The following FBXW7 variants were observed in gnomAD, a reference collection of about 807,000 sequenced individuals.
The protein encoded by FBXW7 is F-box and WD repeat domain containing 7, also known as F-box/WD repeat-containing protein 7.
A neutral mutation model predicts 86.3 loss-of-function variants in FBXW7; 11 were observed. That is an observed-to-expected ratio of 0.13 (90% CI 0.08 to 0.21). FBXW7 has a LOEUF of 0.21. Among genes scored for constraint, FBXW7 ranks in the 10% least tolerant of loss-of-function variants. The pLI, the probability that FBXW7 is intolerant of heterozygous loss-of-function variation, is 1.00. For missense variants in FBXW7, 488 were observed against 847.4 expected, an observed-to-expected ratio of 0.58 and a Z score of 5.27; for synonymous variants, 313 against 297.9, an observed-to-expected ratio of 1.05 and a Z score of -0.52.
chr4:152,374,599 A>G (rs959013092), intron 4 of FBXW7, among the ~76,000 whole-genome samples: 2 of 152,150 alleles, frequency 1.3e-5, no homozygotes, highest in African/African-American at 2.4e-5. Flanking sequence ...TTTCTCCTGC[A>G]TATCTCTGGA....
intron 4 of FBXW7, among the ~76,000 whole-genome samples, chr4:152,385,645 A>G (rs528417979): frequency 9.9e-4 from 151 of 152,208 alleles, no homozygotes; most frequent in Non-Finnish European, 1.3e-3. Context: ...GAAACAAAAC[A>G]TAAGTGAACA....
At position 152,444,106 on chromosome 4, in the gene FBXW7, A is replaced by G. The variant is rs1741149206; in HGVS notation, c.-119-31577T>C. ...AAAAATGGGTGCCATGTTAGGTTAC[A>G]CTACATGAAAATGCTGATATTCTAC... On this transcript the variant is annotated intron_variant, in intron 2 of 13. Transcript: ENST00000281708. 4.6e-5 allele frequency among the ~76,000 whole-genome samples: 7 copies of G among 152,190 alleles called. No homozygotes were observed. The South Asian group carries it at 1.4e-3, about 31-fold the overall frequency.
chr4:152,323,989 C>G, intron 13 of FBXW7, 195 bp downstream of exon 13: 1 of 557,972 alleles, frequency 1.8e-6, no homozygotes, highest in Non-Finnish European at 3.2e-6. Context: ...TTTTATATTA[C>G]ATATTAAAAA....
intron 2 of FBXW7, among the ~76,000 whole-genome samples, chr4:152,514,627 TG>T (rs1748293900): frequency 6.6e-6 from 1 of 152,138 alleles, no homozygotes; most frequent in Admixed American, 6.5e-5. Flanking sequence ...GTTTCCCCTC[TG>T]TAAGTTCTCA....
At chr4:152,442,794 T>A (rs755602232) in intron 2 of FBXW7, among the ~76,000 whole-genome samples, 1 of 152,210 alleles carries the variant, frequency 6.6e-6, no homozygotes, top group Non-Finnish European at 1.5e-5. Flanking sequence ...ACAAGGACAG[T>A]ATCAGGGATA....
intron 4 of FBXW7, among the ~76,000 whole-genome samples, chr4:152,392,359 T>A (rs983034794): frequency 1.3e-5 from 2 of 152,152 alleles, no homozygotes; most frequent in Non-Finnish European, 2.9e-5. Flanking sequence ...GAACACTCAC[T>A]TGGTAGTCCT....
At chr4:152,461,559 T>A (rs955823262) in intron 2 of FBXW7, among the ~76,000 whole-genome samples, 1 of 152,226 alleles carries the variant, frequency 6.6e-6, no homozygotes. Flanking sequence ...CTTAAATTCT[T>A]CTGATTATAT....
chr4:152,431,340 A>G (rs1739872789), intron 2 of FBXW7, among the ~76,000 whole-genome samples: 1 of 152,226 alleles, frequency 6.6e-6, no homozygotes, highest in African/African-American at 2.4e-5. Flanking sequence ...ACTGAGCAAC[A>G]GCACAACAGT....
chr4:152,444,830 G>A (rs543924545), intron 2 of FBXW7, among the ~76,000 whole-genome samples: 1 of 152,202 alleles, frequency 6.6e-6, no homozygotes, highest in East Asian at 1.9e-4. Flanking sequence ...AGTGATTCCT[G>A]AACCATACTT....
At chr4:152,352,736 C>T in intron 4 of FBXW7, 3 of 1,612,888 alleles carry the variant, frequency 1.9e-6, no homozygotes, top group Middle Eastern at 1.7e-4. Context: ...CACATACATA[C>T]ATGCAGCTTG....
At chr4:152,441,392 C>A (rs1013602349) in intron 2 of FBXW7, among the ~76,000 whole-genome samples, 1 of 152,046 alleles carries the variant, frequency 6.6e-6, no homozygotes, top group Non-Finnish European at 1.5e-5. Context: ...GGTTCAATTT[C>A]TTTAATCTTA....
At chr4:152,521,558 T>C (rs1228058810) in intron 2 of FBXW7, among the ~76,000 whole-genome samples, 1 of 152,120 alleles carries the variant, frequency 6.6e-6, no homozygotes, top group Non-Finnish European at 1.5e-5. Context: ...CTTCCAAAGA[T>C]AATACACAAC....
chr4:152,498,398 T>C (rs910365086), intron 2 of FBXW7, among the ~76,000 whole-genome samples: 5 of 152,132 alleles, frequency 3.3e-5, no homozygotes, highest in Non-Finnish European at 7.4e-5. Flanking sequence ...TTGAGGAAGA[T>C]GGAAATTGGG....
intron 2 of FBXW7, among the ~76,000 whole-genome samples, chr4:152,495,792 A>C (rs1746282734): frequency 6.6e-6 from 1 of 152,182 alleles, no homozygotes; most frequent in Admixed American, 6.5e-5. Flanking sequence ...GAAAAATATA[A>C]AGACATAGGC....
chr4:152,514,119 C>CT (rs1478404623), intron 2 of FBXW7, among the ~76,000 whole-genome samples: 1 of 152,056 alleles, frequency 6.6e-6, no homozygotes, highest in Non-Finnish European at 1.5e-5. Context: ...TTGGCTGGTT[C>CT]TTTTTTTGCT....
At chr4:152,476,083 A>G (rs1744369331) in intron 2 of FBXW7, among the ~76,000 whole-genome samples, 1 of 152,186 alleles carries the variant, frequency 6.6e-6, no homozygotes, top group South Asian at 2.1e-4. Context: ...AACTACCATA[A>G]AACTGTTACT....
At position 152,374,890 on chromosome 4, in the gene FBXW7, G is replaced by A. The variant is rs182987898; in HGVS notation, c.502-24766C>T. Among the ~76,000 whole-genome samples, 96 of 152,102 alleles carry A rather than the reference G, an allele frequency of 6.3e-4. 1 individual carries two copies. The highest frequency in any genetic ancestry group is 2.0e-3 in the African/African-American group (81 of 41,532). On this transcript the variant is annotated intron_variant, in intron 4 of 13. Coordinates refer to ENST00000281708, the MANE Select transcript of FBXW7 (RefSeq NM_001349798.2). ...TACCAAATAGACTAGTTACAGGAGGGGGGGGGATGATGCTGGCTTTTAAAA... is the reference window on the plus strand; with the variant it reads ...TACCAAATAGACTAGTTACAGGAGGAGGGGGGATGATGCTGGCTTTTAAAA...
intron 2 of FBXW7, among the ~76,000 whole-genome samples, chr4:152,473,493 T>C (rs886943960): frequency 5.3e-5 from 8 of 152,238 alleles, no homozygotes; most frequent in Admixed American, 5.2e-4. Context: ...AACCTGTATA[T>C]ATATTTTAAA....
At chr4:152,494,894 A>G (rs924818701) in intron 2 of FBXW7, among the ~76,000 whole-genome samples, 1 of 152,204 alleles carries the variant, frequency 6.6e-6, no homozygotes, top group African/African-American at 2.4e-5. Flanking sequence ...TACTACTAAT[A>G]TTGATGAAGA....
Sources: gnomAD v4.1 joint callset for allele counts (sites outside exome capture counted in the v4.1 genomes callset) on GRCh38, gnomAD v4.1.1 for gene constraint, MANE v1.5 for transcripts, NCBI Gene and HGNC (gene_info 2026-07-23, HGNC 2026-07-21) for gene names.